The following LRRC58 variants were observed in gnomAD, a reference collection of about 807,000 sequenced individuals.
LRRC58 encodes leucine rich repeat containing 58.
Under a neutral mutation model 30.6 loss-of-function variants are expected in LRRC58, and 18 were observed. The observed-to-expected ratio is 0.59, with a 90% CI of 0.41 to 0.87. LRRC58 has a LOEUF of 0.87. Among genes scored for constraint, LRRC58 ranks in the 40% least tolerant of loss-of-function variants. The pLI is 0.00. For missense variants in LRRC58, 420 were observed against 468.4 expected, an observed-to-expected ratio of 0.90 and a Z score of 0.95; for synonymous variants, 221 against 206.0, an observed-to-expected ratio of 1.07 and a Z score of -0.62.
rs1301870268 is a variant in LRRC58, at chr3:120,327,747, G to T, written c.*3453C>A. On this transcript the variant is annotated 3_prime_UTR_variant, in exon 4 of 4. Transcript: ENST00000295628. ...ATTTACAATGCAAATTTTTTTGTTT[G>T]TTTTTTGTTTGTTTGTTTGAGACAC... The T allele has an allele frequency of 1.4e-5, 2 of 143,354 alleles. No individual in the cohort carries two copies. The highest frequency in any genetic ancestry group is 3.0e-5 in the Non-Finnish European group (2 of 67,174). The allele number at this position is 143,354 out of a possible 1,614,324, so 8.9% of individuals were successfully genotyped here.
In LRRC58 at chr3:120,330,581, A is replaced by G. The variant is rs1935741195; in HGVS notation, c.*619T>C. The G allele has an allele frequency of 6.6e-6, 1 of 152,260 alleles. No homozygotes were observed. Among genetic ancestry groups the G allele is most frequent in the Admixed American group, 6.5e-5 (1 of 15,290 alleles). 9.4% of individuals were successfully genotyped at this position (152,260 alleles called of 1,614,324 possible). A position where few individuals can be genotyped will look rare whatever the true frequency, so the allele number is the denominator to read the frequency against. ...ATATAGAACAAAGGATAATAATGAA[A>G]AAGTTTTAATATCTCATGTAAATGT... On this transcript the variant is annotated 3_prime_UTR_variant, in exon 4 of 4. Transcript: ENST00000295628.
At chr3:120,333,074 A>C in intron 3 of LRRC58, among the ~76,000 whole-genome samples, 1 of 146,618 alleles carries the variant, frequency 6.8e-6, no homozygotes, top group Non-Finnish European at 1.5e-5. Context: ...CCTGGGCAAT[A>C]CAGCGAGACT....
rs72956897 is a variant in LRRC58 at position 120,348,727 on chromosome 3, G to A, written c.500+17C>T. ...ACCGCCCGAGGCCTCCCCACCCTCCGGCACACACCCGCTCACCTCTGCAAG... is the reference window on the plus strand; with the variant it reads ...ACCGCCCGAGGCCTCCCCACCCTCCAGCACACACCCGCTCACCTCTGCAAG... On this transcript the variant is annotated intron_variant, in intron 1 of 3. Coordinates refer to ENST00000295628, the MANE Select transcript of LRRC58 (RefSeq NM_001099678.2). 9.1e-6 allele frequency: 14 copies of A among 1,537,086 alleles called. No individual in the cohort carries two copies. The highest frequency in any genetic ancestry group is 2.5e-5 in the East Asian group (1 of 40,546).
rs1935723477 is a variant in LRRC58, at chr3:120,329,359, T to C, written c.*1841A>G. 1 of 152,122 alleles carries C rather than the reference T, an allele frequency of 6.6e-6. No homozygotes were observed. Among genetic ancestry groups the C allele is most frequent in the African/African-American group, 2.4e-5 (1 of 41,452 alleles). 9.4% of individuals were successfully genotyped at this position (152,122 alleles called of 1,614,324 possible). A position where few individuals can be genotyped will look rare whatever the true frequency, so the allele number is the denominator to read the frequency against. Reference sequence around the variant, plus strand: ...CCCACATGGAGAAGTAAGCAAAGACTTTATACCTCTATTTTATGATATAAT... The same window carrying C: ...CCCACATGGAGAAGTAAGCAAAGACCTTATACCTCTATTTTATGATATAAT... On this transcript the variant is annotated 3_prime_UTR_variant, in exon 4 of 4. Transcript: ENST00000295628.
chr3:120,342,602 A>G (rs1935917829), intron 1 of LRRC58, among the ~76,000 whole-genome samples: 1 of 152,172 alleles, frequency 6.6e-6, no homozygotes. Context: ...TGAGAGCTGA[A>G]CACTTGAAGG....
intron 1 of LRRC58, among the ~76,000 whole-genome samples, chr3:120,346,057 A>T (rs1267796015): frequency 6.6e-6 from 1 of 152,184 alleles, no homozygotes; most frequent in Non-Finnish European, 1.5e-5. Flanking sequence ...GTTTGAGACC[A>T]GCCTGGCCTG....
intron 3 of LRRC58, 116 bp downstream of exon 3, chr3:120,334,746 A>C: frequency 1.0e-6 from 1 of 979,466 alleles, no homozygotes; most frequent in Non-Finnish European, 1.5e-6. Context: ...TCTTTCTCAT[A>C]AATGAGTGAA....
In LRRC58 at chr3:120,349,185, C is replaced by T. The variant is rs752980622; in HGVS notation, c.59G>A (p.Arg20His). 2.0e-6 allele frequency: 3 copies of T among 1,490,054 alleles called. No individual in the cohort carries two copies. The highest frequency in any genetic ancestry group is 2.7e-6 in the Non-Finnish European group (3 of 1,128,338). The allele number at this position is 1,490,054 out of a possible 1,614,324, so 92.3% of individuals were successfully genotyped here. Reference protein sequence around the residue: ...TAGEAELNWSRLSVSTETLES... With the variant: ...TAGEAELNWSHLSVSTETLES... ...CAGCGTCTCGGTGGACACGCTGAGG[C>T]GGGACCAGTTCAGTTCGGCCTCCCC... is the stretch of plus-strand genomic sequence containing the variant. The change falls in exon 1 of 4, where the codon CGC becomes CAC. Residue 20 changes from arginine to histidine, a missense_variant. Transcript: ENST00000295628.
At chr3:120,332,898 T>C (rs1274433257) in intron 3 of LRRC58, among the ~76,000 whole-genome samples, 2 of 151,878 alleles carry the variant, frequency 1.3e-5, no homozygotes, top group East Asian at 1.9e-4. Flanking sequence ...GACAAGCACA[T>C]GCCACTATGC....
rs2107621125 is a variant in LRRC58 at position 120,331,060 on chromosome 3, C to T, written c.*140G>A. ...TCTTGCTGAATGGGTAGATGAAACACAAAATGTTTTATATCATCCCAGACT... is the reference window on the plus strand; with the variant it reads ...TCTTGCTGAATGGGTAGATGAAACATAAAATGTTTTATATCATCCCAGACT... On this transcript the variant is annotated 3_prime_UTR_variant, in exon 4 of 4. Coordinates refer to ENST00000295628, the MANE Select transcript of LRRC58 (RefSeq NM_001099678.2). 1 of 692,984 alleles carries T rather than the reference C, an allele frequency of 1.4e-6. No homozygotes were observed. The highest frequency in any genetic ancestry group is 1.9e-5 in the South Asian group (1 of 52,386). The allele number at this position is 692,984 out of a possible 1,614,324, so 42.9% of individuals were successfully genotyped here.
intron 1 of LRRC58, among the ~76,000 whole-genome samples, chr3:120,344,089 C>T (rs1339434234): frequency 1.3e-5 from 2 of 151,342 alleles, no homozygotes; most frequent in African/African-American, 4.9e-5. Flanking sequence ...CCCCAAACAA[C>T]AACAACAACA....
rs1194599288 is a variant in LRRC58, at chr3:120,325,876, T to A, written c.*5324A>T. ...TTATTTCAGGGGACCCTGATTCTTATGACTTTGACATCCTGGGACAGAATG... is the reference window on the plus strand; with the variant it reads ...TTATTTCAGGGGACCCTGATTCTTAAGACTTTGACATCCTGGGACAGAATG... On this transcript the variant is annotated 3_prime_UTR_variant, in exon 4 of 4. Transcript: ENST00000295628. 1 of 152,228 alleles carries A rather than the reference T, an allele frequency of 6.6e-6. No homozygotes were observed. Among genetic ancestry groups the A allele is most frequent in the African/African-American group, 2.4e-5 (1 of 41,458 alleles). The allele number at this position is 152,228 out of a possible 1,614,324, so 9.4% of individuals were successfully genotyped here.
chr3:120,346,918 T>C lies in LRRC58; in HGVS notation c.500+1826A>G, dbSNP rs191965691. On this transcript the variant is annotated intron_variant, in intron 1 of 3. Coordinates refer to ENST00000295628, the MANE Select transcript of LRRC58 (RefSeq NM_001099678.2). ...TGCACTTAGAATAAAATCCAAACTT[T>C]ATCATAGCCTTCAAGACCTGACACG... Among the ~76,000 whole-genome samples the C allele has an allele frequency of 2.6e-5, 4 of 152,330 alleles. No homozygotes were observed. The East Asian group carries it at 7.7e-4, about 29-fold the overall frequency.
rs1935678402 is a variant in LRRC58, at chr3:120,326,704, A to C, written c.*4496T>G. ...ATAAAATCTCTACCTCTGGATGAAAAAAGGATCATTTAGGTAAAAATTAAA... is the reference window on the plus strand; with the variant it reads ...ATAAAATCTCTACCTCTGGATGAAACAAGGATCATTTAGGTAAAAATTAAA... On this transcript the variant is annotated 3_prime_UTR_variant, in exon 4 of 4. Coordinates refer to ENST00000295628, the MANE Select transcript of LRRC58 (RefSeq NM_001099678.2). The C allele has an allele frequency of 6.6e-6, 1 of 152,204 alleles. No homozygotes were observed. The highest frequency in any genetic ancestry group is 6.5e-5 in the Admixed American group (1 of 15,282). The allele number at this position is 152,204 out of a possible 1,614,324, so 9.4% of individuals were successfully genotyped here. A position where few individuals can be genotyped will look rare whatever the true frequency, so the allele number is the denominator to read the frequency against.
chr3:120,348,209 T>C (rs1164827971), intron 1 of LRRC58, among the ~76,000 whole-genome samples: 1 of 152,178 alleles, frequency 6.6e-6, no homozygotes, highest in Non-Finnish European at 1.5e-5. Context: ...ATTCAACACA[T>C]ACTGAGTGCC....
chr3:120,335,833 T>C lies in LRRC58; in HGVS notation c.621A>G (p.Gln207=), dbSNP rs1279082931. 5.6e-6 allele frequency: 9 copies of C among 1,611,016 alleles called. No individual in the cohort carries two copies. The East Asian group carries it at 1.8e-4, about 32-fold the overall frequency. ...CDNKIQSIPP[Q]LSQLHSLRSL... is the part of the protein sequence containing the mutation. Reference sequence around the variant, plus strand: ...TGCCTGGAACTACTCACTGTGAAAGTTGAGGAGGTATGCTTTGGATTTTGT... The same window carrying C: ...TGCCTGGAACTACTCACTGTGAAAGCTGAGGAGGTATGCTTTGGATTTTGT... The change falls in exon 2 of 4, where the codon CAA becomes CAG. Residue 207 remains glutamine, a synonymous_variant. Transcript: ENST00000295628.
intron 1 of LRRC58, among the ~76,000 whole-genome samples, chr3:120,348,087 G>T (rs1935997270): frequency 6.6e-6 from 1 of 152,188 alleles, no homozygotes; most frequent in Admixed American, 6.5e-5. Context: ...AGTAAAAAAG[G>T]AATCACAGAG....
At chr3:120,339,695 T>C (rs1290944234) in intron 1 of LRRC58, among the ~76,000 whole-genome samples, 1 of 152,122 alleles carries the variant, frequency 6.6e-6, no homozygotes, top group Non-Finnish European at 1.5e-5. Context: ...GGAGTAAAGA[T>C]TTTTTCTTAT....
Position 120,331,124 on chromosome 3 carries a change from G to T in LRRC58, c.*76C>A. On this transcript the variant is annotated 3_prime_UTR_variant, in exon 4 of 4. Coordinates refer to ENST00000295628, the MANE Select transcript of LRRC58 (RefSeq NM_001099678.2). Reference sequence around the variant, plus strand: ...TTAAGATGAAGATAAGATTTCTAGTGAACTTCAAGCTCTATTTTCTTGTCT... The same window carrying T: ...TTAAGATGAAGATAAGATTTCTAGTTAACTTCAAGCTCTATTTTCTTGTCT... The T allele has an allele frequency of 1.6e-6, 2 of 1,218,124 alleles. No individual in the cohort carries two copies. Among genetic ancestry groups the T allele is most frequent in the Non-Finnish European group, 2.4e-6 (2 of 830,462 alleles). 75.5% of individuals were successfully genotyped at this position (1,218,124 alleles called of 1,614,324 possible).
Sources: gnomAD v4.1 joint callset for allele counts (sites outside exome capture counted in the v4.1 genomes callset) on GRCh38, gnomAD v4.1.1 for gene constraint, MANE v1.5 for transcripts, NCBI Gene and HGNC (gene_info 2026-07-23, HGNC 2026-07-21) for gene names.